EDNRB: variants seen among roughly 807,000 people sequenced by gnomAD.
EDNRB encodes endothelin receptor type B, also known as Hirschsprung disease 2.
A neutral mutation model predicts 46.4 loss-of-function variants in EDNRB; 18 were observed. The ratio of observed to expected loss-of-function variants is 0.39; its 90% CI spans 0.27 to 0.57. The LOEUF is 0.57. Ranked by LOEUF, EDNRB falls within the 20% of genes least tolerant of loss-of-function variation. EDNRB has a pLI of 0.61. For synonymous variants in EDNRB, 213 were observed against 204.9 expected (o/e 1.04, Z -0.34); for missense variants, 434 against 537.5 (o/e 0.81, Z 1.90).
At chr13:77,972,731 G>A (rs139568057) in intron 1 of EDNRB, among the ~76,000 whole-genome samples, 2,178 of 152,238 alleles carry the variant, frequency 0.014, 46 homozygotes, top group East Asian at 0.024. Flanking sequence ...AATTGACTTG[G>A]TTATGTTAAT....
At chr13:77,906,599 G>C (rs1010902666) in intron 1 of EDNRB, among the ~76,000 whole-genome samples, 3 of 152,024 alleles carry the variant, frequency 2.0e-5, no homozygotes, top group African/African-American at 7.2e-5. Context: ...GGAGAAACCA[G>C]ATGGCAAAGA....
At chr13:77,925,036 AAAG>A (rs1207894790) in intron 1 of EDNRB, among the ~76,000 whole-genome samples, 1 of 152,220 alleles carries the variant, frequency 6.6e-6, no homozygotes, top group African/African-American at 2.4e-5. Context: ...GGACTAACAC[AAAG>A]AACAACTCCC....
chr13:77,898,030 C>A lies in EDNRB; in HGVS notation c.*170G>T. ...GATTTTCTTTCCATGCCGTAAACAG[C>A]TCATAAAATGTCATATGTAGCTGTG... On this transcript the variant is annotated 3_prime_UTR_variant, in exon 7 of 7. Transcript: ENST00000646607. 1 of 1,418,874 alleles carries A rather than the reference C, an allele frequency of 7.0e-7. No homozygotes were observed. The highest frequency in any genetic ancestry group is 1.5e-5 in the South Asian group (1 of 66,274). 87.9% of individuals were successfully genotyped at this position (1,418,874 alleles called of 1,614,324 possible). A position where few individuals can be genotyped will look rare whatever the true frequency, so the allele number is the denominator to read the frequency against.
intron 1 of EDNRB, among the ~76,000 whole-genome samples, chr13:77,951,904 C>T (rs1021728087): frequency 3.3e-5 from 5 of 152,190 alleles, no homozygotes; most frequent in African/African-American, 1.2e-4. Flanking sequence ...CCAATCAGTG[C>T]TGCAGTCTAT....
At chr13:77,911,613 A>C (rs574441947) in intron 1 of EDNRB, among the ~76,000 whole-genome samples, 1 of 151,816 alleles carries the variant, frequency 6.6e-6, no homozygotes, top group Non-Finnish European at 1.5e-5. Context: ...TTTGCTAATA[A>C]ATTTCTGATT....
chr13:77,920,483 C>T (rs960805800), upstream of EDNRB, among the ~76,000 whole-genome samples: 8 of 152,130 alleles, frequency 5.3e-5, no homozygotes. Flanking sequence ...AGCAGTTTCA[C>T]CCAGAGACAG....
chr13:77,897,513 G>C lies in EDNRB; in HGVS notation c.*687C>G. 3 of 981,040 alleles carry C rather than the reference G, an allele frequency of 3.1e-6. No individual in the cohort carries two copies. The highest frequency in any genetic ancestry group is 3.6e-6 in the Non-Finnish European group (3 of 826,050). 60.8% of individuals were successfully genotyped at this position (981,040 alleles called of 1,614,324 possible). ...TTAAATTCAGCTGGCACATGTGCCAGTCTGTTACATGCTGCTTGTTTGTGA... is the reference window on the plus strand; with the variant it reads ...TTAAATTCAGCTGGCACATGTGCCACTCTGTTACATGCTGCTTGTTTGTGA... On this transcript the variant is annotated 3_prime_UTR_variant, in exon 7 of 7. Coordinates refer to ENST00000646607, the MANE Select transcript of EDNRB (RefSeq NM_001122659.3).
chr13:77,924,630 A>G (rs1297480217), upstream of EDNRB, among the ~76,000 whole-genome samples: 5 of 152,194 alleles, frequency 3.3e-5, no homozygotes, highest in African/African-American at 9.7e-5. Context: ...TATGTAACAG[A>G]TCTCTGTAAC....
intron 1 of EDNRB, among the ~76,000 whole-genome samples, chr13:77,962,497 T>C (rs1218076331): frequency 6.6e-6 from 1 of 152,152 alleles, no homozygotes. Flanking sequence ...ATCCAGCATA[T>C]AAACAGAACC....
intron 1 of EDNRB, among the ~76,000 whole-genome samples, chr13:77,957,401 G>A (rs1276440524): frequency 6.6e-6 from 1 of 152,100 alleles, no homozygotes; most frequent in African/African-American, 2.4e-5. Context: ...GTATTTACAG[G>A]CATAAAGGTC....
intron 1 of EDNRB, among the ~76,000 whole-genome samples, chr13:77,967,783 G>C (rs1299002821): frequency 6.6e-6 from 1 of 152,132 alleles, no homozygotes; most frequent in African/African-American, 2.4e-5. Context: ...ATTATGCCTT[G>C]ATATTTACTC....
intron 4 of EDNRB, 21 bp from the exon 5 acceptor site, chr13:77,900,675 G>A: frequency 1.2e-6 from 2 of 1,611,782 alleles, no homozygotes; most frequent in Non-Finnish European, 1.7e-6. Context: ...TCCATAGTTT[G>A]ACCCTTAAAA....
At chr13:77,902,303 C>A (rs987879863) in intron 3 of EDNRB, among the ~76,000 whole-genome samples, 1 of 151,922 alleles carries the variant, frequency 6.6e-6, no homozygotes, top group Non-Finnish European at 1.5e-5. Context: ...CTGTAGGATA[C>A]AGTAAATTCC....
At position 77,965,291 on chromosome 13, in the gene EDNRB, T is replaced by C. The variant is rs553017641; in HGVS notation, c.-52+10056A>G. On this transcript the variant is annotated intron_variant, in intron 1 of 7. Coordinates refer to the EDNRB transcript ENST00000646948. ...GTCAAGAAAATTTTGATGTTACATTTTGTGAGAGCTAAGTATTAGGGATAA... is the reference window on the plus strand; with the variant it reads ...GTCAAGAAAATTTTGATGTTACATTCTGTGAGAGCTAAGTATTAGGGATAA... Among the ~76,000 whole-genome samples the C allele has an allele frequency of 2.0e-5, 3 of 152,312 alleles. 1 individual carries two copies. In the South Asian group the frequency reaches 6.2e-4, roughly 32 times the overall value.
upstream of EDNRB, chr13:77,919,834 A>T (rs1880020540): frequency 1.9e-6 from 1 of 534,238 alleles, no homozygotes; most frequent in African/African-American, 1.9e-5. Context: ...GCACCATGTG[A>T]CACCCGGCAG....
At chr13:77,966,305 C>T (rs1195066491) in intron 1 of EDNRB, among the ~76,000 whole-genome samples, 1 of 152,170 alleles carries the variant, frequency 6.6e-6, no homozygotes, top group Non-Finnish European at 1.5e-5. Flanking sequence ...TGAAGTGGTA[C>T]TCCTCACCTG....
Position 77,896,227 on chromosome 13 carries a change from G to A in EDNRB, c.*1973C>T, listed in dbSNP as rs1878617021. 1 of 285,902 alleles carries A rather than the reference G, an allele frequency of 3.5e-6. No individual in the cohort carries two copies. The highest frequency in any genetic ancestry group is 2.2e-5 in the African/African-American group (1 of 44,878). 17.7% of individuals were successfully genotyped at this position (285,902 alleles called of 1,614,324 possible). ...ATGGAGAAGGAAAAGGTATCAGGATGTAAAAATTCAGTACATGGTAATAAA... is the reference window on the plus strand; with the variant it reads ...ATGGAGAAGGAAAAGGTATCAGGATATAAAAATTCAGTACATGGTAATAAA... On this transcript the variant is annotated 3_prime_UTR_variant, in exon 7 of 7. Coordinates refer to ENST00000646607, the MANE Select transcript of EDNRB (RefSeq NM_001122659.3).
intron 1 of EDNRB, among the ~76,000 whole-genome samples, chr13:77,962,534 A>G (rs1163690572): frequency 1.3e-5 from 2 of 152,238 alleles, no homozygotes; most frequent in Non-Finnish European, 2.9e-5. Flanking sequence ...TGATTATCAC[A>G]ATAGATGCAG....
At chr13:77,954,840 A>G (rs1234710803) in intron 1 of EDNRB, among the ~76,000 whole-genome samples, 1 of 152,062 alleles carries the variant, frequency 6.6e-6, no homozygotes, top group African/African-American at 2.4e-5. Flanking sequence ...TGTTTTAGGT[A>G]TATAGCAAAT....
Sources: allele counts gnomAD v4.1 joint callset (sites outside exome capture counted in the v4.1 genomes callset), GRCh38; gene constraint gnomAD v4.1.1; transcripts MANE v1.5; gene names NCBI Gene and HGNC (gene_info 2026-07-23, HGNC 2026-07-21).